Variants in SERGEF observed in about 807,000 individuals in gnomAD.
SERGEF encodes secretion regulating guanine nucleotide exchange factor.
In SERGEF, 51 loss-of-function variants were observed where a neutral mutation model predicts 50.0. The observed-to-expected ratio is 1.02, with a 90% CI of 0.81 to 1.29. The LOEUF is 1.29. Among genes scored for constraint, SERGEF ranks in the 50% most tolerant of loss-of-function variants. The pLI is 0.00. For missense variants in SERGEF, 521 were observed against 557.0 expected (o/e 0.94, Z 0.65); for synonymous variants, 205 against 212.4 (o/e 0.97, Z 0.30).
At chr11:17,983,704 A>G (rs964310020) in intron 8 of SERGEF, among the ~76,000 whole-genome samples, 15 of 151,570 alleles carry the variant, frequency 9.9e-5, no homozygotes, top group African/African-American at 3.4e-4. Flanking sequence ...AATGCTACCA[A>G]AAAAGAGCAC....
rs753393395 is a variant in SERGEF, at chr11:17,788,323, GC to G, written c.1138del (p.Ala380LeufsTer?). ...ANVWAPKPVQALLSSSGLLVG... is the reference protein window; with the variant it reads ...ANVWAPKPVQXLLSSSGLLVG... ...AAGGAGTCCTGACGATGACAGCAGA[GC>G]CTGCACCGGCTTTGGGGCCCAGACG... is the stretch of plus-strand genomic sequence containing the variant. On this transcript the variant is annotated frameshift_variant, in exon 11 of 11. Coordinates refer to ENST00000265965, the MANE Select transcript of SERGEF (RefSeq NM_012139.4). LOFTEE classifies it low-confidence loss of function (END_TRUNC). The G allele has an allele frequency of 3.7e-6, 6 of 1,614,220 alleles. No homozygotes were observed. In the East Asian group the frequency reaches 1.3e-4, roughly 36 times the overall value.
At chr11:18,002,230 C>T (rs1853977943) in intron 4 of SERGEF, among the ~76,000 whole-genome samples, 1 of 152,200 alleles carries the variant, frequency 6.6e-6, no homozygotes, top group South Asian at 2.1e-4. Context: ...CCACCTCTTA[C>T]TCTCCATCCC....
chr11:17,991,778 T>C lies in SERGEF; in HGVS notation c.685+1153A>G, dbSNP rs749039564. Among the ~76,000 whole-genome samples, 93 of 152,212 alleles carry C rather than the reference T, an allele frequency of 6.1e-4. No individual in the cohort carries two copies. The highest frequency in any genetic ancestry group is 3.5e-4 in the Non-Finnish European group (24 of 68,040). On this transcript the variant is annotated intron_variant, in intron 7 of 10. Transcript: ENST00000265965. This position sits in a 1 kb window ranked among gnomAD's most constrained non-coding sequence, Gnocchi z 4.9. Reference sequence around the variant, plus strand: ...GCTCCCGTGCTCTTGAAATAACAACTTCTCAGCTGGGCTGCATTGCAAATT... The same window carrying C: ...GCTCCCGTGCTCTTGAAATAACAACCTCTCAGCTGGGCTGCATTGCAAATT...
chr11:17,954,716 T>C (rs1297742896), intron 9 of SERGEF, among the ~76,000 whole-genome samples: 4 of 152,220 alleles, frequency 2.6e-5, no homozygotes, highest in African/African-American at 7.2e-5. Context: ...ACGTGTATAC[T>C]GAGTTCCCTG....
Position 17,888,610 on chromosome 11 carries a change from A to C in SERGEF, c.1012-10366T>G, listed in dbSNP as rs1851473727. 1.3e-5 allele frequency among the ~76,000 whole-genome samples: 2 copies of C among 150,064 alleles called. No homozygotes were observed. The highest frequency in any genetic ancestry group is 4.2e-4 in the South Asian group (2 of 4,712). On this transcript the variant is annotated intron_variant, in intron 9 of 10. Coordinates refer to ENST00000265965, the MANE Select transcript of SERGEF (RefSeq NM_012139.4). The surrounding 1 kb of genome is among the most constrained non-coding windows in gnomAD (Gnocchi z 4.1). ...ATATCAGGTTAGAATTAGAGTTATC[A>C]GTATGAACTCACAGTTTTACACACA...
At chr11:17,942,498 T>C (rs754942153) in intron 9 of SERGEF, among the ~76,000 whole-genome samples, 2 of 152,220 alleles carry the variant, frequency 1.3e-5, no homozygotes, top group Non-Finnish European at 2.9e-5. Flanking sequence ...TTGGTTCTAA[T>C]AGTTATTTTA....
chr11:17,996,023 G>A (rs969431657), intron 5 of SERGEF, 114 bp from the exon 6 acceptor site: 1 of 741,714 alleles, frequency 1.3e-6, no homozygotes, highest in Non-Finnish European at 2.3e-6. Context: ...GTTAATATGA[G>A]TGTTATGGAG....
intron 8 of SERGEF, among the ~76,000 whole-genome samples, chr11:17,975,878 C>T (rs905771578): frequency 1.3e-5 from 2 of 152,162 alleles, no homozygotes; most frequent in African/African-American, 4.8e-5. Context: ...CTTCCCACTT[C>T]TATAGATTTT....
intron 10 of SERGEF, among the ~76,000 whole-genome samples, chr11:17,862,779 G>C (rs1458151622): frequency 6.6e-6 from 1 of 152,198 alleles, no homozygotes; most frequent in Admixed American, 6.5e-5. Flanking sequence ...GCCTGTCTAA[G>C]GAAGGACAGA....
At chr11:17,899,734 C>T (rs1851709146) in intron 9 of SERGEF, among the ~76,000 whole-genome samples, 1 of 152,048 alleles carries the variant, frequency 6.6e-6, no homozygotes, top group African/African-American at 2.4e-5. Flanking sequence ...AGGAGGATCA[C>T]TTGAGGCCAG....
At chr11:17,925,954 G>C (rs1852241479) in intron 9 of SERGEF, among the ~76,000 whole-genome samples, 1 of 152,142 alleles carries the variant, frequency 6.6e-6, no homozygotes, top group Non-Finnish European at 1.5e-5. Context: ...CTGTCTCACA[G>C]AGTCTGGGGG....
chr11:17,848,941 C>T (rs999078326), intron 10 of SERGEF, among the ~76,000 whole-genome samples: 6 of 152,144 alleles, frequency 3.9e-5, no homozygotes, highest in African/African-American at 7.2e-5. Context: ...TCGAATGGGG[C>T]GGTACCAAGA....
chr11:17,967,162 TAG>T (rs1015092260), intron 8 of SERGEF, among the ~76,000 whole-genome samples: 9 of 152,158 alleles, frequency 5.9e-5, no homozygotes, highest in African/African-American at 2.2e-4. Context: ...TATTAACGCA[TAG>T]AGAGAGGTTA....
chr11:17,790,370 C>G (rs555856365), intron 10 of SERGEF, among the ~76,000 whole-genome samples: 2 of 151,562 alleles, frequency 1.3e-5, no homozygotes, highest in South Asian at 4.2e-4. Flanking sequence ...GCTCTTTACA[C>G]TCATCATTGT....
At chr11:17,801,058 G>A (rs935961677) in intron 10 of SERGEF, among the ~76,000 whole-genome samples, 18 of 152,160 alleles carry the variant, frequency 1.2e-4, no homozygotes, top group Non-Finnish European at 2.2e-4. Flanking sequence ...AGCCGGGCGT[G>A]GTGGTGGGCG....
chr11:17,830,649 G>GGA (rs55967425), intron 10 of SERGEF, among the ~76,000 whole-genome samples: 1,172 of 77,718 alleles, frequency 0.015, 32 homozygotes, highest in South Asian at 0.047. Context: ...GGAGAGGGAG[G>GGA]GAGAGAGAGA....
chr11:18,007,774 A>T (rs1854110514), intron 2 of SERGEF, among the ~76,000 whole-genome samples, 167 bp downstream of exon 2: 1 of 152,222 alleles, frequency 6.6e-6, no homozygotes, highest in African/African-American at 2.4e-5. Context: ...CTAGCCCTGA[A>T]AATCTAGGAT....
At chr11:17,934,503 T>A (rs1001317369) in intron 9 of SERGEF, among the ~76,000 whole-genome samples, 1 of 152,240 alleles carries the variant, frequency 6.6e-6, no homozygotes, top group African/African-American at 2.4e-5. Context: ...ACAACTCTCC[T>A]CTAGGTCAGA....
intron 9 of SERGEF, among the ~76,000 whole-genome samples, chr11:17,894,573 G>A (rs569923661): frequency 5.9e-5 from 9 of 152,080 alleles, no homozygotes; most frequent in African/African-American, 1.2e-4. Context: ...TCTTAATCAC[G>A]CGGGATATAT....
Sources: allele counts gnomAD v4.1 joint callset (sites outside exome capture counted in the v4.1 genomes callset), GRCh38; gene constraint gnomAD v4.1.1; non-coding constraint Gnocchi (gnomAD v3.1); transcripts MANE v1.5; gene names NCBI Gene and HGNC (gene_info 2026-07-23, HGNC 2026-07-21).